ADGRG1: variants seen among roughly 807,000 people sequenced by gnomAD.
The protein encoded by ADGRG1 is adhesion G protein-coupled receptor G1.
A neutral mutation model predicts 73.5 loss-of-function variants in ADGRG1; 53 were observed. The observed-to-expected ratio is 0.72, with a 90% CI of 0.58 to 0.91. The LOEUF is 0.91. ADGRG1 is among the 40% of genes least tolerant of loss of function. The pLI is 0.00. For synonymous variants in ADGRG1, 394 were observed against 374.4 expected (o/e 1.05, Z -0.60); for missense variants, 795 against 871.8 (o/e 0.91, Z 1.11).
intron 1 of ADGRG1, chr16:57,643,919 G>T: frequency 3.1e-6 from 3 of 980,390 alleles, no homozygotes; most frequent in Non-Finnish European, 3.6e-6. Flanking sequence ...TGGGGGTGGG[G>T]CGTAGCCCTG....
At chr16:57,659,938 C>T (rs1028875057) in intron 11 of ADGRG1, among the ~76,000 whole-genome samples, 1 of 152,172 alleles carries the variant, frequency 6.6e-6, no homozygotes, top group African/African-American at 2.4e-5. Flanking sequence ...GCAGGGCCAC[C>T]GTGTGTGAAT....
At position 57,654,411 on chromosome 16, in the gene ADGRG1, C is replaced by CA. The variant is rs199827974; in HGVS notation, c.768+278_768+279insA. ...AGCCCCTAAACGCCTGTCCACGCAC[C>CA]CCCCCCCCCCGTTTTTTTTTTTTCG... On this transcript the variant is annotated intron_variant, in intron 5 of 13. Coordinates refer to ENST00000562631, the MANE Select transcript of ADGRG1 (RefSeq NM_201525.4). Among the ~76,000 whole-genome samples the CA allele has an allele frequency of 4.1e-3, 176 of 42,550 alleles. 1 individual carries two copies. Among genetic ancestry groups the CA allele is most frequent in the Admixed American group, 4.8e-3 (19 of 3,952 alleles). The allele number at this position is 42,550 out of a possible 152,430, so 27.9% of individuals were successfully genotyped here.
chr16:57,647,488 G>A (rs975178819), intron 1 of ADGRG1: 11 of 945,824 alleles, frequency 1.2e-5, no homozygotes, highest in Middle Eastern at 5.3e-4. Context: ...CCTCTAAGCC[G>A]TTTACAGGTA....
chr16:57,661,850 G>A lies in ADGRG1; in HGVS notation c.1818G>A (p.Leu606=), dbSNP rs764805771. The change falls in exon 13 of 14, where the codon CTG becomes CTA. Residue 606 remains leucine, a synonymous_variant. Transcript: ENST00000562631. ...AAAAGTGGTCACATGTGCTGACACT[G>A]CTGGGCCTCAGCCTGGTCCTTGGCC... ...HTQKWSHVLT[L]LGLSLVLGLP... 6.2e-7 allele frequency: 1 copy of A among 1,614,102 alleles called. No individual in the cohort carries two copies. The highest frequency in any genetic ancestry group is 8.5e-7 in the Non-Finnish European group (1 of 1,180,008).
At chr16:57,625,515 C>T (rs773576332), upstream of ADGRG1, 11 of 967,466 alleles carry the variant, frequency 1.1e-5, no homozygotes, top group African/African-American at 3.5e-5. Flanking sequence ...CTGCCTCCTT[C>T]GAGGCCCCAT....
intron 1 of ADGRG1, among the ~76,000 whole-genome samples, chr16:57,644,445 T>A (rs2041774538): frequency 7.2e-6 from 1 of 138,860 alleles, no homozygotes; most frequent in South Asian, 2.4e-4. Context: ...CACACATTCA[T>A]GCACATGCAC....
intron 10 of ADGRG1, chr16:57,658,851 C>G (rs12444971): frequency 4.0e-6 from 2 of 502,336 alleles, no homozygotes; most frequent in Non-Finnish European, 5.1e-6. Context: ...AAGATGGTGC[C>G]ATGAGTTAGG....
intron 1 of ADGRG1, chr16:57,637,363 A>G: frequency 1.0e-6 from 1 of 984,948 alleles, no homozygotes. Context: ...ATGTTTAGGG[A>G]CTATGGGTGG....
At chr16:57,652,510 T>C (rs1489994138) in intron 3 of ADGRG1, among the ~76,000 whole-genome samples, 1 of 152,176 alleles carries the variant, frequency 6.6e-6, no homozygotes, top group East Asian at 1.9e-4. Flanking sequence ...TGGGAGGATT[T>C]AGGGCAAAGT....
intron 5 of ADGRG1, 43 bp from the exon 6 acceptor site, chr16:57,655,356 C>T (rs1299714072): frequency 6.2e-7 from 1 of 1,606,732 alleles, no homozygotes; most frequent in Admixed American, 1.7e-5. Context: ...GGGCACGGAT[C>T]TAGGGGTCCG....
intron 1 of ADGRG1, chr16:57,642,261 C>T (rs751430058): frequency 8.5e-5 from 84 of 985,156 alleles, no homozygotes; most frequent in African/African-American, 1.0e-4. Flanking sequence ...TGCTGCCGGC[C>T]GAAGGGAGGT....
intron 1 of ADGRG1, chr16:57,645,016 GCA>G (rs1269761673): frequency 2.1e-6 from 2 of 934,820 alleles, no homozygotes; most frequent in African/African-American, 1.8e-5. Context: ...ATGCATGGGC[GCA>G]CACACTCATC....
At chr16:57,635,210 C>T in intron 1 of ADGRG1, 3 of 985,394 alleles carry the variant, frequency 3.0e-6, no homozygotes, top group Non-Finnish European at 3.6e-6. Flanking sequence ...CCCCACCTGC[C>T]TAGAGCCATG....
At chr16:57,635,102 C>G (rs2039024432) in intron 1 of ADGRG1, 1 of 985,148 alleles carries the variant, frequency 1.0e-6, no homozygotes. Context: ...GAGGGCAGGA[C>G]ACCCACCTCC....
At chr16:57,624,986 C>T (rs2035553592), upstream of ADGRG1, among the ~76,000 whole-genome samples, 1 of 152,114 alleles carries the variant, frequency 6.6e-6, no homozygotes, top group Non-Finnish European at 1.5e-5. Flanking sequence ...GATGCTTGCC[C>T]AAGTCATCCA....
chr16:57,630,330 G>T, intron 1 of ADGRG1: 1 of 982,994 alleles, frequency 1.0e-6, no homozygotes, highest in Non-Finnish European at 1.2e-6. Context: ...TCCTGCCAAT[G>T]TCCAGGTGTG....
chr16:57,663,746 G>C lies in ADGRG1; in HGVS notation c.*164G>C. The C allele has an allele frequency of 2.6e-6, 2 of 776,080 alleles. No individual in the cohort carries two copies. Among genetic ancestry groups the C allele is most frequent in the South Asian group, 3.3e-5 (2 of 60,666 alleles). 48.1% of individuals were successfully genotyped at this position (776,080 alleles called of 1,614,324 possible). A position where few individuals can be genotyped will look rare whatever the true frequency, so the allele number is the denominator to read the frequency against. On this transcript the variant is annotated 3_prime_UTR_variant, in exon 14 of 14. Transcript: ENST00000562631. ...GTTGCCATGGTGGACGGACTCCCGG[G>C]CTGGGCTTTTGAATTGGCCTTGGGG...
chr16:57,644,110 G>A (rs908831011), intron 1 of ADGRG1: 13 of 790,174 alleles, frequency 1.6e-5, no homozygotes, highest in East Asian at 1.4e-4. Flanking sequence ...ACTGTGCCCC[G>A]CCCTCCCTGT....
At chr16:57,636,979 G>C (rs1179768853) in intron 1 of ADGRG1, among the ~76,000 whole-genome samples, 1 of 152,206 alleles carries the variant, frequency 6.6e-6, no homozygotes, top group Non-Finnish European at 1.5e-5. Flanking sequence ...TTGAGTTGAG[G>C]CCTGAGAAGG....
Sources: gnomAD v4.1 joint callset for allele counts (sites outside exome capture counted in the v4.1 genomes callset) on GRCh38, gnomAD v4.1.1 for gene constraint, MANE v1.5 for transcripts, NCBI Gene and HGNC (gene_info 2026-07-23, HGNC 2026-07-21) for gene names.